The following GPM6B variants were observed in gnomAD, a reference collection of about 807,000 sequenced individuals.
The protein encoded by GPM6B is glycoprotein M6B.
A neutral mutation model predicts 27.2 loss-of-function variants in GPM6B; 4 were observed. The observed-to-expected ratio is 0.15, with a 90% CI of 0.07 to 0.34. GPM6B has a LOEUF of 0.34. GPM6B is among the 10% of genes least tolerant of loss of function. The probability of loss-of-function intolerance (pLI) is 1.00; values close to 1 mark genes in which losing one functional copy is unlikely to be tolerated. For missense variants in GPM6B, 183 were observed against 261.9 expected, an observed-to-expected ratio of 0.70 and a Z score of 2.08; for synonymous variants, 124 against 103.1, an observed-to-expected ratio of 1.20 and a Z score of -1.23.
chrX:13,877,289 T>C (rs1352313344), intron 1 of GPM6B, among the ~76,000 whole-genome samples: 1 of 111,598 alleles, frequency 9.0e-6, no homozygotes, highest in Non-Finnish European at 1.9e-5. Flanking sequence ...TAAATTATGT[T>C]CCACCAAAAG....
At chrX:13,833,550 TAAAA>T (rs755832950) in intron 1 of GPM6B, among the ~76,000 whole-genome samples, 1 of 71,560 alleles carries the variant, frequency 1.4e-5, no homozygotes, top group Non-Finnish European at 2.4e-5. Flanking sequence ...CTCTATCTCT[TAAAA>T]AAAAAAAAAA....
chrX:13,842,935 TGACATACCATAC>T (rs2049596628), intron 1 of GPM6B, among the ~76,000 whole-genome samples: 1 of 111,705 alleles, frequency 9.0e-6, no homozygotes, highest in African/African-American at 3.3e-5. Flanking sequence ...TTATTATCAT[TGACATACCATAC>T]AATTCACCAT....
chrX:13,853,589 T>TAAAAA (rs1260229033), intron 1 of GPM6B, among the ~76,000 whole-genome samples: 1 of 6,568 alleles, frequency 1.5e-4, no homozygotes. Context: ...AGACACCACC[T>TAAAAA]CAAAAAAAAA....
At chrX:13,885,903 T>C (rs2050130715) in intron 1 of GPM6B, among the ~76,000 whole-genome samples, 1 of 112,320 alleles carries the variant, frequency 8.9e-6, no homozygotes, top group Non-Finnish European at 1.9e-5. Context: ...TCGAGTGGTT[T>C]TAGTTTTTCA....
At chrX:13,883,975 A>T (rs2050109913) in intron 1 of GPM6B, among the ~76,000 whole-genome samples, 1 of 112,167 alleles carries the variant, frequency 8.9e-6, no homozygotes, top group Non-Finnish European at 1.9e-5. Context: ...CAGGAGTTCA[A>T]GACCAGCATG....
chrX:13,799,408 T>TA (rs1569210612), intron 2 of GPM6B, among the ~76,000 whole-genome samples: 36 of 102,847 alleles, frequency 3.5e-4, no homozygotes, highest in Non-Finnish European at 5.1e-4. Flanking sequence ...TATTATTTTT[T>TA]TTTTAGTAGA....
chrX:13,786,172 A>G (rs984190226), intron 2 of GPM6B, among the ~76,000 whole-genome samples: 1 of 112,521 alleles, frequency 8.9e-6, no homozygotes, highest in African/African-American at 3.2e-5. Context: ...CACTCATTCC[A>G]CTAACACAGT....
chrX:13,846,146 C>T (rs749856647), intron 1 of GPM6B, among the ~76,000 whole-genome samples: 77 of 111,342 alleles, frequency 6.9e-4, no homozygotes, highest in African/African-American at 2.4e-3. Flanking sequence ...GAGTTTCCCA[C>T]CTGAGTGCTG....
chrX:13,890,702 T>A (rs1423412794), intron 1 of GPM6B, among the ~76,000 whole-genome samples: 1 of 110,736 alleles, frequency 9.0e-6, no homozygotes, highest in Non-Finnish European at 1.9e-5. Flanking sequence ...CTGGACTCTA[T>A]CCACTTAATT....
intron 1 of GPM6B, among the ~76,000 whole-genome samples, chrX:13,822,707 G>T (rs2049325017): frequency 9.0e-6 from 1 of 110,993 alleles, no homozygotes; most frequent in Non-Finnish European, 1.9e-5. Flanking sequence ...TGCTCCCCAT[G>T]ACAAAATCAA....
upstream of GPM6B, among the ~76,000 whole-genome samples, chrX:13,820,402 G>A (rs998714945): frequency 9.0e-6 from 1 of 110,873 alleles, no homozygotes; most frequent in African/African-American, 3.3e-5. Flanking sequence ...GAACCAAAGA[G>A]AAGGAAGAAG....
intron 2 of GPM6B, among the ~76,000 whole-genome samples, chrX:13,793,120 G>C (rs967864718): frequency 1.8e-5 from 2 of 110,470 alleles, no homozygotes; most frequent in Non-Finnish European, 3.8e-5. Context: ...AATCTGCTAA[G>C]AGACATTTAC....
chrX:13,907,135 C>T (rs746775376), intron 1 of GPM6B, among the ~76,000 whole-genome samples: 90 of 112,384 alleles, frequency 8.0e-4, no homozygotes, highest in African/African-American at 2.6e-3. Flanking sequence ...AACTCTTAAG[C>T]GACCACAAAA....
exon 1 of GPM6B, chrX:13,938,370 C>T: frequency 1.4e-5 from 4 of 287,691 alleles, no homozygotes; most frequent in Non-Finnish European, 2.4e-5. Context: ...CCACCTCCAG[C>T]GTCCCGGCTT....
chrX:13,778,058 T>TG (rs981236288), intron 5 of GPM6B, among the ~76,000 whole-genome samples: 1 of 108,655 alleles, frequency 9.2e-6, no homozygotes, highest in Non-Finnish European at 1.9e-5. Context: ...TGGTTTGTTT[T>TG]TTTTTTTTTT....
intron 1 of GPM6B, among the ~76,000 whole-genome samples, chrX:13,829,768 T>A (rs1330479075): frequency 9.0e-6 from 1 of 111,384 alleles, no homozygotes; most frequent in East Asian, 2.8e-4. Flanking sequence ...CCTTCAAGGG[T>A]ACTCTTTCAA....
intron 1 of GPM6B, among the ~76,000 whole-genome samples, chrX:13,926,038 G>T (rs1921165533): frequency 1.0e-5 from 1 of 99,975 alleles, no homozygotes; most frequent in African/African-American, 4.0e-5. Flanking sequence ...CTGGGCAACA[G>T]AGCGAGACTC....
chrX:13,915,611 C>A (rs779375204), intron 1 of GPM6B, among the ~76,000 whole-genome samples: 1 of 112,859 alleles, frequency 8.9e-6, no homozygotes, highest in African/African-American at 3.2e-5. Flanking sequence ...ATCTGTGATA[C>A]AATGAGGATT....
chrX:13,909,752 A>T (rs2050362192), intron 1 of GPM6B, among the ~76,000 whole-genome samples: 1 of 111,543 alleles, frequency 9.0e-6, no homozygotes, highest in Non-Finnish European at 1.9e-5. Context: ...CATGCTCCAG[A>T]TCCCCCAGGA....
Sources: allele counts gnomAD v4.1 joint callset (sites outside exome capture counted in the v4.1 genomes callset), GRCh38; gene constraint gnomAD v4.1.1; transcripts MANE v1.5; gene names NCBI Gene and HGNC (gene_info 2026-07-23, HGNC 2026-07-21).